The following CASP4 variants were observed in gnomAD, a reference collection of about 807,000 sequenced individuals.
CASP4 encodes caspase 4, also known as caspase-4.
CASP4 carries 29 observed loss-of-function variants against 41.3 expected under a neutral mutation model. The observed-to-expected ratio is 0.70, with a 90% CI of 0.52 to 0.96. CASP4 has a LOEUF of 0.96. CASP4 is among the 40% of genes least tolerant of loss of function. CASP4 has a pLI of 0.00. For missense variants in CASP4, 447 were observed against 460.6 expected, an observed-to-expected ratio of 0.97 and a Z score of 0.27; for synonymous variants, 185 against 158.4, an observed-to-expected ratio of 1.17 and a Z score of -1.26.
At chr11:104,944,598 G>A (rs750806411) in intron 8 of CASP4, 150 bp downstream of exon 8, 71 of 560,194 alleles carry the variant, frequency 1.3e-4, no homozygotes, top group African/African-American at 2.5e-4. Context: ...CATGTAAGTC[G>A]GAAAGAAGTA....
intron 1 of CASP4, among the ~76,000 whole-genome samples, chr11:104,962,369 T>C (rs146385325): frequency 6.6e-6 from 1 of 152,182 alleles, no homozygotes. Context: ...TAAACATCAC[T>C]ATATGTTTCT....
Position 104,948,676 on chromosome 11 carries a change from G to A in CASP4, c.782C>T (p.Ala261Val). The stretch of plus-strand genomic sequence containing the variant: ...TCTGACCCACAGTTCCCCACGGTTT[G>A]CTATGGAGACATTAACTTTCTGCAC... Reference protein sequence around the residue: ...KVIIVQACRGANRGELWVRDS... With the variant: ...KVIIVQACRGVNRGELWVRDS... Residue 261 changes from alanine (A) to valine (V), a missense_variant and splice_region_variant, in exon 6 of 9, where the codon GCA becomes GTA. Physicochemically the swap from Ala to Val is moderately conservative, Grantham distance 64. Coordinates refer to ENST00000444739, the MANE Select transcript of CASP4 (RefSeq NM_001225.4). 3 of 1,588,530 alleles carry A rather than the reference G, an allele frequency of 1.9e-6. No individual in the cohort carries two copies. Among genetic ancestry groups the A allele is most frequent in the Non-Finnish European group, 2.6e-6 (3 of 1,162,970 alleles).
Position 104,954,904 on chromosome 11 carries a change from C to T in CASP4, c.105G>A (p.Leu35=). ...VLDNLVEQNV[L]NWKEEEKKKY... ...TCTTTTTTTCCTCTTCCTTCCAGTT[C>T]AGTACATTTTGTTCCACCAAGTTAT... Residue 35 remains leucine (L), a synonymous_variant, in exon 2 of 9, where the codon CTG becomes CTA. Transcript: ENST00000444739. 1 of 1,613,696 alleles carries T rather than the reference C, an allele frequency of 6.2e-7. No homozygotes were observed.
chr11:104,957,331 A>T (rs2134649720), intron 1 of CASP4, among the ~76,000 whole-genome samples: 2 of 152,314 alleles, frequency 1.3e-5, no homozygotes, highest in Middle Eastern at 3.4e-3. Flanking sequence ...AATCAATTTA[A>T]CCGAGTAGGT....
chr11:104,947,349 T>A (rs1307020565), intron 6 of CASP4, 157 bp from the exon 7 acceptor site: 1 of 435,896 alleles, frequency 2.3e-6, no homozygotes, highest in African/African-American at 2.0e-5. Flanking sequence ...TTACCTACTT[T>A]CCACAGAACG....
In CASP4 at chr11:104,949,458, G is replaced by T. The variant is rs929398113; in HGVS notation, c.781+85C>A. 5.0e-6 allele frequency: 7 copies of T among 1,388,836 alleles called. No homozygotes were observed. In the African/African-American group the frequency reaches 8.5e-5, roughly 17 times the overall value. 86.0% of individuals were successfully genotyped at this position (1,388,836 alleles called of 1,614,324 possible). ...TTTATTTACACTGGATGAGGTTTAA[G>T]AATGTTGCCCCTAAATATAAACCAA... is the stretch of plus-strand genomic sequence containing the variant. On this transcript the variant is annotated intron_variant, in intron 5 of 8. Transcript: ENST00000444739.
intron 1 of CASP4, among the ~76,000 whole-genome samples, chr11:104,963,600 G>A (rs1256323994): frequency 6.6e-6 from 1 of 152,190 alleles, no homozygotes; most frequent in Non-Finnish European, 1.5e-5. Context: ...TATTTTCAGA[G>A]GGAAACTTGG....
intron 1 of CASP4, among the ~76,000 whole-genome samples, chr11:104,962,108 G>T (rs1200337700): frequency 1.3e-5 from 2 of 152,198 alleles, no homozygotes; most frequent in African/African-American, 2.4e-5. Context: ...CATGCAGCTG[G>T]TTGGGCAGCA....
At chr11:104,950,338 G>A (rs185659811) in intron 4 of CASP4, among the ~76,000 whole-genome samples, 8 of 152,094 alleles carry the variant, frequency 5.3e-5, no homozygotes, top group East Asian at 1.9e-4. Context: ...ACCCAAAAAC[G>A]TTGCTCCCCA....
Position 104,949,789 on chromosome 11 carries a change from C to G in CASP4, c.547-12G>C, listed in dbSNP as rs182314517. ...GCTGACTCCATATCCTGTAAAAGAGCAATGTCTAACTTCAGTCAGAGAAGC... is the reference window on the plus strand; with the variant it reads ...GCTGACTCCATATCCTGTAAAAGAGGAATGTCTAACTTCAGTCAGAGAAGC... On this transcript the variant is annotated splice_polypyrimidine_tract_variant and intron_variant, in intron 4 of 8. Transcript: ENST00000444739. 4.3e-6 allele frequency: 7 copies of G among 1,611,422 alleles called. No homozygotes were observed. The East Asian group carries it at 1.3e-4, about 31-fold the overall frequency.
intron 8 of CASP4, 178 bp downstream of exon 8, chr11:104,944,570 G>A (rs1860406636): frequency 5.6e-6 from 3 of 540,296 alleles, no homozygotes; most frequent in African/African-American, 3.8e-5. Context: ...TAATTGTAGA[G>A]TTGGAGGAAT....
At position 104,949,560 on chromosome 11, in the gene CASP4, A is replaced by T. The variant is rs1336877317; in HGVS notation, c.764T>A (p.Val255Asp). 6.2e-7 allele frequency: 1 copy of T among 1,613,786 alleles called. No individual in the cohort carries two copies. Among genetic ancestry groups the T allele is most frequent in the Non-Finnish European group, 8.5e-7 (1 of 1,179,840 alleles). ...GCACTCACCACCTCTGCAGGCCTGG[A>T]CAATGATGACCTTGGGTTTGTCCTT... is the stretch of plus-strand genomic sequence containing the variant. ...SLKDKPKVIIVQACRGANRGE... is the reference protein window; with the variant it reads ...SLKDKPKVIIDQACRGANRGE... Residue 255 changes from valine to aspartate, a missense_variant, in exon 5 of 9, where the codon GTC becomes GAC. By Grantham distance (152) the Val-to-Asp change is radical. Coordinates refer to ENST00000444739, the MANE Select transcript of CASP4 (RefSeq NM_001225.4).
chr11:104,960,445 A>C (rs930280930), intron 1 of CASP4, among the ~76,000 whole-genome samples: 1 of 151,534 alleles, frequency 6.6e-6, no homozygotes, highest in African/African-American at 2.4e-5. Flanking sequence ...TTAGAGTAGC[A>C]TTTTTTTTCC....
chr11:104,954,887 T>G lies in CASP4; in HGVS notation c.122A>C (p.Glu41Ala), dbSNP rs1264439919. 1 of 1,613,844 alleles carries G rather than the reference T, an allele frequency of 6.2e-7. No homozygotes were observed. The highest frequency in any genetic ancestry group is 1.1e-5 in the South Asian group (1 of 91,076). ...EQNVLNWKEE[E>A]KKKYYDAKTE... ...TTTAGCATCGTAATATTTCTTTTTT[T>G]CCTCTTCCTTCCAGTTCAGTACATT... is the stretch of plus-strand genomic sequence containing the variant. Residue 41 changes from glutamate (E) to alanine (A), a missense_variant, in exon 2 of 9, where the codon GAA becomes GCA. Transcript: ENST00000444739.
intron 1 of CASP4, among the ~76,000 whole-genome samples, chr11:104,958,929 C>G (rs1311075380): frequency 7.0e-6 from 1 of 143,074 alleles, no homozygotes; most frequent in African/African-American, 2.6e-5. Context: ...TGACTGCCCT[C>G]CAGCCTAGGC....
intron 1 of CASP4, among the ~76,000 whole-genome samples, chr11:104,963,849 T>C (rs1860915008): frequency 6.6e-6 from 1 of 152,172 alleles, no homozygotes; most frequent in African/African-American, 2.4e-5. Context: ...ATCCTTCATT[T>C]TGGAGATCTG....
chr11:104,955,152 T>C, intron 1 of CASP4, 151 bp from the exon 2 acceptor site: 1 of 709,584 alleles, frequency 1.4e-6, no homozygotes, highest in Non-Finnish European at 2.3e-6. Flanking sequence ...CTGTCATTCA[T>C]CATATTCCTA....
At chr11:104,958,747 G>A (rs1860792448) in intron 1 of CASP4, among the ~76,000 whole-genome samples, 1 of 152,068 alleles carries the variant, frequency 6.6e-6, no homozygotes, top group Non-Finnish European at 1.5e-5. Context: ...GATCACCTGA[G>A]GTCAGTAGTT....
chr11:104,958,517 A>C (rs958950050), intron 1 of CASP4, among the ~76,000 whole-genome samples: 1 of 152,234 alleles, frequency 6.6e-6, no homozygotes, highest in South Asian at 2.1e-4. Flanking sequence ...ATGTATATGA[A>C]AAATGATCAA....
Sources: allele counts gnomAD v4.1 joint callset (sites outside exome capture counted in the v4.1 genomes callset), GRCh38; gene constraint gnomAD v4.1.1; transcripts MANE v1.5; gene names NCBI Gene and HGNC (gene_info 2026-07-23, HGNC 2026-07-21).